The following CHD1L variants were observed in gnomAD, a reference collection of about 807,000 sequenced individuals.
CHD1L encodes the protein ATP-dependent chromatin remodeler CHD1L.
In CHD1L, 118 loss-of-function variants were observed where a neutral mutation model predicts 115.9. That is an observed-to-expected ratio of 1.02 (90% CI 0.88 to 1.19). The LOEUF (loss-of-function observed/expected upper bound fraction) is 1.19, where lower values mean the gene tolerates loss of function less well. Among genes scored for constraint, CHD1L ranks in the 50% most tolerant of loss-of-function variants. The pLI, the probability that CHD1L is intolerant of heterozygous loss-of-function variation, is 0.00. For missense variants in CHD1L, 1,179 were observed against 1,065.3 expected, an observed-to-expected ratio of 1.11 and a Z score of -1.49; for synonymous variants, 411 against 387.1, an observed-to-expected ratio of 1.06 and a Z score of -0.72.
At chr1:147,179,491 A>G in the CHD1L span, 2 of 1,577,264 alleles carry the variant, frequency 1.3e-6, no homozygotes, top group Non-Finnish European at 1.7e-6. Context: ...CCAGCCAACA[A>G]GAAGCTAAAT....
chr1:147,285,115 A>G (rs587768405), intron 16 of CHD1L, among the ~76,000 whole-genome samples: 17 of 152,346 alleles, frequency 1.1e-4, no homozygotes, highest in Admixed American at 6.5e-4. Context: ...AGTTTACAGC[A>G]TGGTATCCTG....
In CHD1L at chr1:147,295,576, G is replaced by T; in HGVS notation, c.*67G>T. On this transcript the variant is annotated 3_prime_UTR_variant, in exon 23 of 23. Coordinates refer to ENST00000369258, the MANE Select transcript of CHD1L (RefSeq NM_004284.6). ...ATATTTACCCAGAGGTACTGCAATA[G>T]AGTATTTCAAAATGGAATCAGGATC... 1 of 1,154,688 alleles carries T rather than the reference G, an allele frequency of 8.7e-7. No homozygotes were observed. Among genetic ancestry groups the T allele is most frequent in the South Asian group, 1.4e-5 (1 of 73,224 alleles). 71.5% of individuals were successfully genotyped at this position (1,154,688 alleles called of 1,614,324 possible).
At chr1:147,192,462 G>T in the CHD1L span, among the ~76,000 whole-genome samples, 2 of 152,078 alleles carry the variant, frequency 1.3e-5, no homozygotes, top group Non-Finnish European at 2.9e-5. Flanking sequence ...TGCAAACAGG[G>T]ACAATTTGAC....
intron 9 of CHD1L, 65 bp from the exon 10 acceptor site, chr1:147,268,717 G>C: frequency 1.5e-6 from 2 of 1,320,960 alleles, no homozygotes; most frequent in Non-Finnish European, 2.2e-6. Context: ...TCTTCCTGTA[G>C]CCTAGCTACT....
At chr1:147,285,250 A>G (rs1572119251) in intron 16 of CHD1L, 74 bp from the exon 17 acceptor site, 2 of 1,481,664 alleles carry the variant, frequency 1.3e-6, no homozygotes, top group Non-Finnish European at 1.8e-6. Context: ...GCTTCCGTAC[A>G]GTGTGTGTTA....
chr1:147,273,734 T>C, intron 12 of CHD1L, among the ~76,000 whole-genome samples: 1 of 152,244 alleles, frequency 6.6e-6, no homozygotes, highest in African/African-American at 2.4e-5. Flanking sequence ...TCAGTTAATC[T>C]CCTTGGAGGA....
At chr1:147,179,552 A>G in the CHD1L span, 1 of 1,586,354 alleles carries the variant, frequency 6.3e-7, no homozygotes, top group Non-Finnish European at 8.7e-7. Flanking sequence ...TTAGCTATCT[A>G]CAACGAGAAG....
At chr1:147,198,026 G>A in the CHD1L span, among the ~76,000 whole-genome samples, 3 of 152,180 alleles carry the variant, frequency 2.0e-5, no homozygotes, top group Admixed American at 1.3e-4. Context: ...TCTGCTGTCA[G>A]CCTAAAGCAG....
At chr1:147,267,382 G>A (rs1211021059) in intron 8 of CHD1L, 44 bp from the exon 9 acceptor site, 1 of 1,463,984 alleles carries the variant, frequency 6.8e-7, no homozygotes, top group Admixed American at 1.7e-5. Context: ...GTTTTGTTCA[G>A]TAGGCCATCT....
chr1:147,283,130 A>G (rs1196929190), intron 15 of CHD1L, among the ~76,000 whole-genome samples: 3 of 152,222 alleles, frequency 2.0e-5, no homozygotes, highest in African/African-American at 4.8e-5. Context: ...TGAGAATTGC[A>G]TGCAGTATGA....
rs782463743 is a variant in CHD1L, at chr1:147,285,411, CAAG to C, written c.1946_1948del (p.Glu649del). ...GCTGGAGGACAGACAGAAGAAAAGA[CAAG>C]AAGCAGCTGCCAAGAGAAGGAGACT... On this transcript the variant is annotated inframe_deletion, in exon 17 of 23. Coordinates refer to ENST00000369258, the MANE Select transcript of CHD1L (RefSeq NM_004284.6). 7 of 1,613,494 alleles carry C rather than the reference CAAG, an allele frequency of 4.3e-6. No homozygotes were observed. The highest frequency in any genetic ancestry group is 1.7e-4 in the Middle Eastern group (1 of 6,052).
upstream of CHD1L, chr1:147,242,644 T>C (rs971251657): frequency 5.1e-5 from 64 of 1,244,828 alleles, no homozygotes; most frequent in East Asian, 1.8e-3. Flanking sequence ...CCCCCGCGCG[T>C]TGGGAAGTTG....
At chr1:147,288,333 A>AAAAAAAAG (rs1684132574) in intron 19 of CHD1L, among the ~76,000 whole-genome samples, 1 of 1,368 alleles carries the variant, frequency 7.3e-4, no homozygotes. Context: ...AATAAAAAAA[A>AAAAAAAAG]AAAAAAAAAA....
chr1:147,269,000 G>T (rs1675074119), intron 10 of CHD1L, 122 bp downstream of exon 10: 2 of 615,992 alleles, frequency 3.2e-6, no homozygotes, highest in Admixed American at 5.9e-5. Context: ...ACTGATTCAG[G>T]TTCTGCCTTC....
chr1:147,284,797 C>T (rs940995050), intron 16 of CHD1L, among the ~76,000 whole-genome samples: 1 of 152,138 alleles, frequency 6.6e-6, no homozygotes, highest in African/African-American at 2.4e-5. Context: ...CCATATCCTG[C>T]TGTTGGTAAT....
At chr1:147,277,858 T>C (rs1679130585) in intron 14 of CHD1L, among the ~76,000 whole-genome samples, 1 of 152,078 alleles carries the variant, frequency 6.6e-6, no homozygotes, top group Non-Finnish European at 1.5e-5. Context: ...CGCATTCTCT[T>C]GTTAGAGGAG....
At position 147,264,463 on chromosome 1, in the gene CHD1L, C is replaced by T; in HGVS notation, c.618C>T (p.Ile206=). Residue 206 remains isoleucine (I), a synonymous_variant, in exon 7 of 23, where the codon ATC becomes ATT. Transcript: ENST00000369258. ...VFSLLLTGTP[I]QNSLQELYSL... is the part of the protein sequence containing the mutation. ...GTCTCCTGTTGACCGGAACTCCCATCCAGAACAGCCTCCAAGAGCTCTACT... is the reference window on the plus strand; with the variant it reads ...GTCTCCTGTTGACCGGAACTCCCATTCAGAACAGCCTCCAAGAGCTCTACT... 1 of 1,613,508 alleles carries T rather than the reference C, an allele frequency of 6.2e-7. No homozygotes were observed. The highest frequency in any genetic ancestry group is 1.3e-5 in the African/African-American group (1 of 75,002).
chr1:147,281,437 G>A (rs1233617492), intron 15 of CHD1L, among the ~76,000 whole-genome samples: 1 of 152,106 alleles, frequency 6.6e-6, no homozygotes, highest in Non-Finnish European at 1.5e-5. Context: ...GACTCCTAAT[G>A]TAGTAGGCAT....
chr1:147,230,786 T>C, the CHD1L span, among the ~76,000 whole-genome samples: 1 of 151,088 alleles, frequency 6.6e-6, no homozygotes, highest in Non-Finnish European at 1.5e-5. Flanking sequence ...GATTTTCTAG[T>C]TTATTTGTGT....
Sources: allele counts gnomAD v4.1 joint callset (sites outside exome capture counted in the v4.1 genomes callset), GRCh38; gene constraint gnomAD v4.1.1; transcripts MANE v1.5; gene names NCBI Gene and HGNC (gene_info 2026-07-23, HGNC 2026-07-21).